The following CMSS1 variants were observed in gnomAD, a reference collection of about 807,000 sequenced individuals.
CMSS1 encodes protein CMSS1.
In CMSS1, 33 loss-of-function variants were observed where a neutral mutation model predicts 43.5. The observed-to-expected ratio is 0.76, with a 90% confidence interval of 0.57 to 1.01. CMSS1 has a LOEUF of 1.01. Among genes scored for constraint, CMSS1 ranks in the 50% least tolerant of loss-of-function variants. The pLI is 0.00. For missense variants in CMSS1, 313 were observed against 326.4 expected, an observed-to-expected ratio of 0.96 and a Z score of 0.32; for synonymous variants, 115 against 117.2, an observed-to-expected ratio of 0.98 and a Z score of 0.12.
At chr3:100,136,315 C>T (rs2066752680) in intron 1 of CMSS1, among the ~76,000 whole-genome samples, 1 of 152,132 alleles carries the variant, frequency 6.6e-6, no homozygotes, top group Non-Finnish European at 1.5e-5. Flanking sequence ...GGACTGGCGC[C>T]AATAGAAAGC....
Position 99,821,991 on chromosome 3 carries a change from A to G in CMSS1, c.64+3948A>G, listed in dbSNP as rs184385687. ...AACCCAGGAGGTGGAGCTTGCGACGAGCCAAGATCGCACCACTGCACTCCA... is the reference window on the plus strand; with the variant it reads ...AACCCAGGAGGTGGAGCTTGCGACGGGCCAAGATCGCACCACTGCACTCCA... On this transcript the variant is annotated intron_variant, in intron 1 of 9. Transcript: ENST00000421999. Among the ~76,000 whole-genome samples, 5 of 152,266 alleles carry G rather than the reference A, an allele frequency of 3.3e-5. No homozygotes were observed. In the East Asian group the frequency reaches 9.6e-4, roughly 29 times the overall value.
chr3:100,173,928 A>AT (rs370397113), intron 8 of CMSS1, among the ~76,000 whole-genome samples: 59 of 152,340 alleles, frequency 3.9e-4, no homozygotes, highest in African/African-American at 1.4e-3. Flanking sequence ...CAACAGGGAT[A>AT]GTAATAGTAG....
chr3:99,961,172 T>G (rs2107702882), intron 1 of CMSS1, among the ~76,000 whole-genome samples: 1 of 152,290 alleles, frequency 6.6e-6, no homozygotes, highest in East Asian at 1.9e-4. Flanking sequence ...GTTGTAAAGT[T>G]AAATTGCCTC....
chr3:99,884,218 C>T (rs1194671363), intron 1 of CMSS1, among the ~76,000 whole-genome samples: 1 of 152,172 alleles, frequency 6.6e-6, no homozygotes, highest in African/African-American at 2.4e-5. Flanking sequence ...TAAAATGTTT[C>T]TGCTTCATAT....
intron 1 of CMSS1, among the ~76,000 whole-genome samples, chr3:100,098,870 C>A (rs2066257463): frequency 6.6e-6 from 1 of 152,166 alleles, no homozygotes; most frequent in African/African-American, 2.4e-5. Context: ...AAGATTCCAG[C>A]TGATAAGAAA....
intron 1 of CMSS1, among the ~76,000 whole-genome samples, chr3:100,075,335 C>T (rs554762868): frequency 1.3e-5 from 2 of 152,350 alleles, no homozygotes; most frequent in Admixed American, 1.3e-4. Context: ...AGACAACCCA[C>T]AGTCTGGTTC....
chr3:99,890,016 T>C (rs139062219), intron 1 of CMSS1, among the ~76,000 whole-genome samples: 1 of 152,246 alleles, frequency 6.6e-6, no homozygotes, highest in East Asian at 1.9e-4. Flanking sequence ...GACTTCTCTC[T>C]GGGACCACTT....
intron 1 of CMSS1, among the ~76,000 whole-genome samples, chr3:100,016,450 G>GTGAGCTA (rs1398980281): frequency 6.6e-6 from 1 of 152,164 alleles, no homozygotes; most frequent in Admixed American, 6.5e-5. Context: ...CTCGGAAAGT[G>GTGAGCTA]CTGGGATTAC....
In CMSS1 at chr3:100,132,836, A is replaced by G. The variant is rs567784658; in HGVS notation, c.65-14137A>G. ...TCCATCCCAAAAAAAAAAAAAAAAA[A>G]AAAAGAAAAAGTAAAATATTTAGTC... On this transcript the variant is annotated intron_variant, in intron 1 of 9. Coordinates refer to ENST00000421999, the MANE Select transcript of CMSS1 (RefSeq NM_032359.4). Among the ~76,000 whole-genome samples, 185 of 151,506 alleles carry G rather than the reference A, an allele frequency of 1.2e-3. 2 individuals are homozygous for G. The highest frequency in any genetic ancestry group is 4.1e-3 in the African/African-American group (170 of 41,394).
At chr3:99,825,064 T>C (rs933134933) in intron 1 of CMSS1, among the ~76,000 whole-genome samples, 1 of 152,200 alleles carries the variant, frequency 6.6e-6, no homozygotes, top group South Asian at 2.1e-4. Context: ...AGTTAAACCT[T>C]TACAGTATTA....
At position 99,817,950 on chromosome 3, in the gene CMSS1, T is replaced by C; in HGVS notation, c.-30T>C. Reference sequence around the variant, plus strand: ...TCCGCAGCTGGTCGCCTACCCGTGATGTTCTGCCCACGTCGAGACCTGAGC... The same window carrying C: ...TCCGCAGCTGGTCGCCTACCCGTGACGTTCTGCCCACGTCGAGACCTGAGC... On this transcript the variant is annotated 5_prime_UTR_variant, in exon 1 of 10. An upstream start codon of the reference 5' UTR is lost. Transcript: ENST00000421999. 6.2e-7 allele frequency: 1 copy of C among 1,612,602 alleles called. No homozygotes were observed. The highest frequency in any genetic ancestry group is 2.2e-5 in the East Asian group (1 of 44,856).
At chr3:99,818,567 TATA>T (rs1399093954) in intron 1 of CMSS1, among the ~76,000 whole-genome samples, 1 of 152,366 alleles carries the variant, frequency 6.6e-6, no homozygotes, top group East Asian at 1.9e-4. Flanking sequence ...GTGCTTGACA[TATA>T]ATGTGTGGTA....
At chr3:100,094,605 C>G (rs2107442513) in intron 1 of CMSS1, among the ~76,000 whole-genome samples, 1 of 146,928 alleles carries the variant, frequency 6.8e-6, no homozygotes, top group East Asian at 2.0e-4. Context: ...AGGTGGTAGA[C>G]TTGAGTTCAG....
rs773627846 is a variant in CMSS1 at position 100,167,654 on chromosome 3, C to G, written c.416-84C>G. On this transcript the variant is annotated intron_variant, in intron 5 of 9. Transcript: ENST00000421999. ...TACTATATTTTGTTTTGTTTAAATA[C>G]TCAACAAAGAAGAAATGCTCAACTT... is the stretch of plus-strand genomic sequence containing the variant. 1.6e-4 allele frequency: 126 copies of G among 769,068 alleles called. 1 individual carries two copies. Among genetic ancestry groups the G allele is most frequent in the Non-Finnish European group, 2.5e-4 (116 of 462,624 alleles). 47.6% of individuals were successfully genotyped at this position (769,068 alleles called of 1,614,324 possible). A position where few individuals can be genotyped will look rare whatever the true frequency, so the allele number is the denominator to read the frequency against.
At chr3:100,038,111 A>G (rs888203465) in intron 1 of CMSS1, among the ~76,000 whole-genome samples, 2 of 151,864 alleles carry the variant, frequency 1.3e-5, no homozygotes, top group Non-Finnish European at 2.9e-5. Flanking sequence ...ACCTGCCACC[A>G]TGTCCAGCTA....
At chr3:100,176,060 C>T (rs531434028) in intron 8 of CMSS1, among the ~76,000 whole-genome samples, 1 of 152,174 alleles carries the variant, frequency 6.6e-6, no homozygotes, top group Non-Finnish European at 1.5e-5. Context: ...AAATGGATGC[C>T]TGGCCAGCGT....
intron 1 of CMSS1, among the ~76,000 whole-genome samples, chr3:99,968,820 A>C (rs1157327507): frequency 6.6e-6 from 1 of 152,244 alleles, no homozygotes; most frequent in East Asian, 1.9e-4. Flanking sequence ...TGGCCAGGGC[A>C]GAATGACATT....
intron 1 of CMSS1, among the ~76,000 whole-genome samples, chr3:99,859,332 T>C (rs1944126989): frequency 6.6e-6 from 1 of 152,252 alleles, no homozygotes; most frequent in South Asian, 2.1e-4. Context: ...ATACTTACAG[T>C]ATTCTCCCAG....
Position 99,922,825 on chromosome 3 carries a change from G to A in CMSS1, c.64+104782G>A, listed in dbSNP as rs117898337. Among the ~76,000 whole-genome samples, 99 of 152,126 alleles carry A rather than the reference G, an allele frequency of 6.5e-4. 1 individual carries two copies. The East Asian group carries it at 0.018, about 28-fold the overall frequency. On this transcript the variant is annotated intron_variant, in intron 1 of 9. Coordinates refer to ENST00000421999, the MANE Select transcript of CMSS1 (RefSeq NM_032359.4). ...CCAAACTCTCCTTTTTTGCAGCCACGCTTCTCAAAATGCTAGTTCACATTT... is the reference window on the plus strand; with the variant it reads ...CCAAACTCTCCTTTTTTGCAGCCACACTTCTCAAAATGCTAGTTCACATTT...
Sources: gnomAD v4.1 joint callset for allele counts (sites outside exome capture counted in the v4.1 genomes callset) on GRCh38, gnomAD v4.1.1 for gene constraint, MANE v1.5 for transcripts, NCBI Gene and HGNC (gene_info 2026-07-23, HGNC 2026-07-21) for gene names.